Variants in SPADH observed in about 807,000 individuals in gnomAD.
SPADH encodes the protein CUB domain-containing protein.
At chr10:122,673,711 C>T in the SPADH span, among the ~76,000 whole-genome samples, 8 of 152,278 alleles carry the variant, frequency 5.3e-5, no homozygotes, top group East Asian at 1.9e-4. Context: ...TCTCCCCTTT[C>T]CTTCCTGAGC....
the SPADH span, among the ~76,000 whole-genome samples, chr10:122,676,261 G>A: frequency 6.6e-6 from 1 of 152,206 alleles, no homozygotes; most frequent in African/African-American, 2.4e-5. Flanking sequence ...ACCACTCAAG[G>A]AAAGTGCTCT....
chr10:122,674,894 A>G, the SPADH span, among the ~76,000 whole-genome samples: 202 of 152,328 alleles, frequency 1.3e-3, 1 homozygote, highest in Middle Eastern at 6.8e-3. Context: ...AAAGTCGTTC[A>G]GCTCTAGGCT....
chr10:122,675,034 T>C, the SPADH span, among the ~76,000 whole-genome samples: 1 of 152,192 alleles, frequency 6.6e-6, no homozygotes, highest in South Asian at 2.1e-4. Context: ...CTGGCTTGGA[T>C]CCCGTTATCT....
chr10:122,674,911 A>T, the SPADH span, among the ~76,000 whole-genome samples: 1 of 152,178 alleles, frequency 6.6e-6, no homozygotes, highest in Non-Finnish European at 1.5e-5. Flanking sequence ...GGCTGCTGGG[A>T]CAGTTAACCA....
the SPADH span, among the ~76,000 whole-genome samples, chr10:122,679,460 T>C: frequency 6.6e-6 from 1 of 151,142 alleles, no homozygotes; most frequent in Non-Finnish European, 1.5e-5. Context: ...ATATTCTATA[T>C]GAATATATAA....
chr10:122,675,118 A>T, the SPADH span, among the ~76,000 whole-genome samples: 49 of 152,346 alleles, frequency 3.2e-4, no homozygotes, highest in African/African-American at 9.6e-4. Context: ...AATTTTAGTC[A>T]ACAGATTTAT....
At chr10:122,674,203 C>T in the SPADH span, among the ~76,000 whole-genome samples, 1 of 152,230 alleles carries the variant, frequency 6.6e-6, no homozygotes, top group Non-Finnish European at 1.5e-5. Flanking sequence ...TTAACCTCAG[C>T]TGTAGAATCG....
At chr10:122,675,905 G>A in the SPADH span, among the ~76,000 whole-genome samples, 1 of 152,068 alleles carries the variant, frequency 6.6e-6, no homozygotes, top group Non-Finnish European at 1.5e-5. Context: ...CCCCCCCGAA[G>A]TCTCCTCTGC....
the SPADH span, chr10:122,675,724 G>C: frequency 3.7e-6 from 3 of 819,342 alleles, no homozygotes; most frequent in Non-Finnish European, 2.9e-6. Flanking sequence ...CAGAGACACT[G>C]TTTTGGGGTT....
chr10:122,676,867 T>A, the SPADH span: 1 of 985,378 alleles, frequency 1.0e-6, no homozygotes, highest in African/African-American at 1.7e-5. Flanking sequence ...GGGGAGATAG[T>A]CACGGTGGCC....
the SPADH span, among the ~76,000 whole-genome samples, chr10:122,673,813 T>C: frequency 2.0e-5 from 3 of 152,276 alleles, no homozygotes; most frequent in African/African-American, 7.2e-5. Context: ...CTGCTCCACT[T>C]TGCTGACTGC....
At chr10:122,678,695 T>C in the SPADH span, among the ~76,000 whole-genome samples, 5 of 151,954 alleles carry the variant, frequency 3.3e-5, no homozygotes, top group African/African-American at 1.2e-4. Flanking sequence ...ATTGAAGAAC[T>C]GACAAACTTT....
the SPADH span, among the ~76,000 whole-genome samples, chr10:122,676,018 G>T: frequency 3.3e-5 from 5 of 152,210 alleles, no homozygotes; most frequent in Non-Finnish European, 5.9e-5. Context: ...GGAGTCTGGA[G>T]ATCTGAGGAG....
At chr10:122,675,346 T>C in the SPADH span, among the ~76,000 whole-genome samples, 17 of 152,310 alleles carry the variant, frequency 1.1e-4, no homozygotes, top group Non-Finnish European at 1.9e-4. Context: ...AATTGAACTT[T>C]AATTGAGTGG....
At chr10:122,678,799 C>A in the SPADH span, 1 of 638,426 alleles carries the variant, frequency 1.6e-6, no homozygotes, top group Non-Finnish European at 1.9e-6. Context: ...GGCAGCCTGG[C>A]TGGAGGACAA....
At chr10:122,677,541 C>T in the SPADH span, among the ~76,000 whole-genome samples, 11 of 152,146 alleles carry the variant, frequency 7.2e-5, no homozygotes, top group East Asian at 1.7e-3. Context: ...GTGATAAAGC[C>T]ACAGAAGGCA....
the SPADH span, chr10:122,672,960 C>G: frequency 1.0e-6 from 1 of 983,406 alleles, no homozygotes; most frequent in Non-Finnish European, 1.2e-6. Context: ...TTCTTCTGGG[C>G]CTCGCACTGT....
the SPADH span, among the ~76,000 whole-genome samples, chr10:122,675,826 A>G: frequency 1.1e-4 from 17 of 152,008 alleles, no homozygotes; most frequent in Non-Finnish European, 2.2e-4. Flanking sequence ...CATAATCGCT[A>G]ATTCCCCCTC....
the SPADH span, chr10:122,678,819 CT>C: frequency 1.1e-6 from 1 of 879,066 alleles, no homozygotes; most frequent in African/African-American, 1.8e-5. Context: ...AATCCAAATG[CT>C]GATGGTTGCC....
Sources: allele counts gnomAD v4.1 joint callset (sites outside exome capture counted in the v4.1 genomes callset), GRCh38; gene constraint gnomAD v4.1.1; transcripts MANE v1.5; gene names NCBI Gene and HGNC (gene_info 2026-07-23, HGNC 2026-07-21).